ABAT: variants seen among roughly 807,000 people sequenced by gnomAD.
ABAT encodes 4-aminobutyrate aminotransferase.
ABAT carries 45 observed loss-of-function variants against 64.6 expected under a neutral mutation model. That is an observed-to-expected ratio of 0.70 (90% CI 0.55 to 0.89). The LOEUF (loss-of-function observed/expected upper bound fraction) is 0.89. ABAT is among the 40% of genes least tolerant of loss of function. The probability of loss-of-function intolerance (pLI) is 0.00; values close to 1 mark genes in which losing one functional copy is unlikely to be tolerated. For synonymous variants in ABAT, 297 were observed against 250.5 expected (o/e 1.19, Z -1.75); for missense variants, 633 against 658.4 (o/e 0.96, Z 0.42).
Position 8,746,118 on chromosome 16 carries a change from G to C in ABAT, c.168+20G>C. On this transcript the variant is annotated intron_variant, in intron 3 of 15. Transcript: ENST00000268251. The stretch of plus-strand genomic sequence containing the variant: ...TCTCAGGTGAGTTGAGCACACCTGA[G>C]TGGGGTATTTTGGAAAAGGGAAAAA... 1.3e-6 allele frequency: 2 copies of C among 1,598,588 alleles called. No individual in the cohort carries two copies. The highest frequency in any genetic ancestry group is 1.7e-6 in the Non-Finnish European group (2 of 1,167,050).
At chr16:8,710,683 TGAGAGAGAGACA>T (rs1173023155) in intron 1 of ABAT, among the ~76,000 whole-genome samples, 23 of 87,846 alleles carry the variant, frequency 2.6e-4, no homozygotes, top group African/African-American at 8.1e-4. Flanking sequence ...AAGGCTGCAC[TGAGAGAGAGACA>T]GAGAGAGAGA....
rs1376918724 is a variant in ABAT at position 8,732,509 on chromosome 16, C to A, written c.-41-3190C>A. ...TCCATTTAACCCTGAGTGGACACAG[C>A]ACATGTTTCAGAGAGCACGGGGTTG... On this transcript the variant is annotated intron_variant, in intron 1 of 15. Transcript: ENST00000268251. 3.3e-5 allele frequency among the ~76,000 whole-genome samples: 5 copies of A among 151,414 alleles called. 1 individual carries two copies. Among genetic ancestry groups the A allele is most frequent in the African/African-American group, 1.2e-4 (5 of 40,788 alleles).
chr16:8,758,455 G>A (rs2059705141), intron 6 of ABAT, among the ~76,000 whole-genome samples: 1 of 152,166 alleles, frequency 6.6e-6, no homozygotes, highest in Admixed American at 6.5e-5. Context: ...AGTGTGGCTG[G>A]AGCAGAGAGA....
rs146769518 is a variant in ABAT at position 8,783,097 on chromosome 16, T to A, written c.*1667T>A. 1.1e-4 allele frequency: 17 copies of A among 152,324 alleles called. No individual in the cohort carries two copies. Among genetic ancestry groups the A allele is most frequent in the African/African-American group, 3.4e-4 (14 of 41,574 alleles). 9.4% of individuals were successfully genotyped at this position (152,324 alleles called of 1,614,324 possible). A position where few individuals can be genotyped will look rare whatever the true frequency, so the allele number is the denominator to read the frequency against. On this transcript the variant is annotated 3_prime_UTR_variant, in exon 16 of 16. Coordinates refer to ENST00000268251, the MANE Select transcript of ABAT (RefSeq NM_020686.6). ...ATCCGTCGTTCTTAATCAGGAGTTC[T>A]GCCAGGTTTAAGGTCACCTGCACTC...
At chr16:8,749,496 T>C (rs1302906804) in intron 4 of ABAT, among the ~76,000 whole-genome samples, 2 of 141,900 alleles carry the variant, frequency 1.4e-5, no homozygotes, top group Non-Finnish European at 3.0e-5. Context: ...CCTCCTGGGT[T>C]CAAGTGATTC....
intron 1 of ABAT, among the ~76,000 whole-genome samples, chr16:8,729,442 T>G (rs1386960391): frequency 6.6e-6 from 1 of 152,072 alleles, no homozygotes; most frequent in African/African-American, 2.4e-5. Flanking sequence ...TCTCTGAGCC[T>G]CCCTTTTATC....
chr16:8,728,829 A>C (rs2058633512), intron 1 of ABAT, among the ~76,000 whole-genome samples: 1 of 152,192 alleles, frequency 6.6e-6, no homozygotes, highest in Admixed American at 6.5e-5. Flanking sequence ...AGCCGAGATC[A>C]CGCCACTGTA....
chr16:8,712,193 T>C (rs757524557), intron 1 of ABAT, among the ~76,000 whole-genome samples: 2 of 152,130 alleles, frequency 1.3e-5, no homozygotes, highest in Non-Finnish European at 2.9e-5. Flanking sequence ...ATGGTACCAC[T>C]GCACTCCAGC....
intron 1 of ABAT, among the ~76,000 whole-genome samples, chr16:8,700,783 A>T (rs75667650): frequency 0.067 from 10,194 of 151,718 alleles, 1,125 homozygotes; most frequent in African/African-American, 0.23. Context: ...TTTTTTTTTT[A>T]AATTTAGAGA....
chr16:8,745,715 T>C (rs2059309035), intron 2 of ABAT, among the ~76,000 whole-genome samples: 2 of 151,512 alleles, frequency 1.3e-5, no homozygotes, highest in Admixed American at 6.6e-5. Context: ...AATGAATAAA[T>C]AAATACAAAG....
chr16:8,735,720 T>C lies in ABAT; in HGVS notation c.-20T>C, dbSNP rs1199871318. The C allele has an allele frequency of 1.3e-6, 2 of 1,587,796 alleles. No homozygotes were observed. The highest frequency in any genetic ancestry group is 1.7e-6 in the Non-Finnish European group (2 of 1,166,404). ...TCAGGGTGGCAGCACGCAAAGGGTGTCCCTGTCCCTCAAGGGGTCATGGCC... is the reference window on the plus strand; with the variant it reads ...TCAGGGTGGCAGCACGCAAAGGGTGCCCCTGTCCCTCAAGGGGTCATGGCC... On this transcript the variant is annotated 5_prime_UTR_variant, in exon 2 of 16. Transcript: ENST00000268251.
intron 1 of ABAT, among the ~76,000 whole-genome samples, chr16:8,682,210 CACACACACACACACACAG>C (rs2057351710): frequency 7.2e-6 from 1 of 139,318 alleles, no homozygotes; most frequent in South Asian, 2.7e-4. Flanking sequence ...CACACACACA[CACACACACACACACACAG>C]AGGAGGCATT....
intron 4 of ABAT, among the ~76,000 whole-genome samples, chr16:8,748,429 T>G (rs1335097863): frequency 6.6e-6 from 1 of 152,242 alleles, no homozygotes; most frequent in Non-Finnish European, 1.5e-5. Context: ...TTAAATTTAT[T>G]GAGCCTTTTT....
intron 1 of ABAT, among the ~76,000 whole-genome samples, chr16:8,721,347 G>A (rs2058365329): frequency 6.6e-6 from 1 of 151,982 alleles, no homozygotes; most frequent in African/African-American, 2.4e-5. Context: ...TCATATGCAG[G>A]GCCCACCGTC....
intron 2 of ABAT, among the ~76,000 whole-genome samples, chr16:8,742,935 C>G (rs946861614): frequency 7.7e-5 from 11 of 142,330 alleles, no homozygotes; most frequent in Non-Finnish European, 1.7e-4. Flanking sequence ...ACGTGGGAGG[C>G]TGAGGCAGGA....
chr16:8,710,727 A>AGG (rs3069301), intron 1 of ABAT, among the ~76,000 whole-genome samples: 5 of 103,690 alleles, frequency 4.8e-5, no homozygotes, highest in South Asian at 8.0e-4. Context: ...AGAGAGAGAG[A>AGG]GAGGAAATAG....
At chr16:8,757,545 T>C (rs1438595633) in intron 5 of ABAT, among the ~76,000 whole-genome samples, 1 of 152,180 alleles carries the variant, frequency 6.6e-6, no homozygotes, top group Non-Finnish European at 1.5e-5. Context: ...AGAGAATTTG[T>C]TGGATTTCTA....
chr16:8,718,205 G>C (rs2058267018), intron 1 of ABAT, among the ~76,000 whole-genome samples: 2 of 152,158 alleles, frequency 1.3e-5, no homozygotes, highest in Admixed American at 1.3e-4. Flanking sequence ...CCCAGCAACT[G>C]GCACATGGCA....
At position 8,775,043 on chromosome 16, in the gene ABAT, T is replaced by C. The variant is rs1220675390; in HGVS notation, c.1108T>C (p.Phe370Leu). ...TGGGGGCTTCTTCCACAAGGAGGAG[T>C]TCAGGCCTAATGCTGTGAGTTGGAG... ...MTGGFFHKEE[F>L]RPNAPYRIFN... Residue 370 changes from phenylalanine (F) to leucine (L), a missense_variant, in exon 13 of 16, where the codon TTC becomes CTC. Physicochemically the swap from Phe to Leu is conservative, Grantham distance 22. Coordinates refer to ENST00000268251, the MANE Select transcript of ABAT (RefSeq NM_020686.6). The C allele has an allele frequency of 1.2e-6, 2 of 1,613,980 alleles. No homozygotes were observed. Among genetic ancestry groups the C allele is most frequent in the South Asian group, 1.1e-5 (1 of 91,058 alleles).
Sources: gnomAD v4.1 joint callset for allele counts (sites outside exome capture counted in the v4.1 genomes callset) on GRCh38, gnomAD v4.1.1 for gene constraint, MANE v1.5 for transcripts, NCBI Gene and HGNC (gene_info 2026-07-23, HGNC 2026-07-21) for gene names.